Variants in ATIC observed in about 807,000 individuals in gnomAD.
The protein encoded by ATIC is 5-aminoimidazole-4-carboxamide ribonucleotide formyltransferase/IMP cyclohydrolase.
A neutral mutation model predicts 72.5 loss-of-function variants in ATIC; 64 were observed. The observed-to-expected ratio is 0.88, with a 90% CI of 0.72 to 1.09. The LOEUF is 1.09. Among genes scored for constraint, ATIC ranks in the 50% least tolerant of loss-of-function variants. The pLI, the probability that ATIC is intolerant of heterozygous loss-of-function variation, is 0.00. For synonymous variants in ATIC, 281 were observed against 267.1 expected (o/e 1.05, Z -0.51); for missense variants, 787 against 732.4 (o/e 1.07, Z -0.86).
chr2:215,345,103 A>G (rs2106040218), intron 13 of ATIC: 1 of 567,742 alleles, frequency 1.8e-6, no homozygotes, highest in Non-Finnish European at 3.2e-6. Context: ...CTTGCCTTGA[A>G]TAGGTTGGCA....
At chr2:215,365,614 A>G in the ATIC span, 2 of 1,613,826 alleles carry the variant, frequency 1.2e-6, no homozygotes, top group Non-Finnish European at 8.5e-7. Context: ...AGTTCACACC[A>G]TTGTCATGGC....
At chr2:215,356,295 A>C in the ATIC span, among the ~76,000 whole-genome samples, 2 of 152,188 alleles carry the variant, frequency 1.3e-5, no homozygotes, top group Admixed American at 1.3e-4. Flanking sequence ...TACTATGAAA[A>C]ATGATGTCTA....
chr2:215,365,891 C>T, the ATIC span: 1 of 189,380 alleles, frequency 5.3e-6, no homozygotes, highest in Non-Finnish European at 1.1e-5. Context: ...CTGTAACCTC[C>T]ATCTCCTGGG....
rs1483813235 is a variant in ATIC at position 215,319,658 on chromosome 2, A to G, written c.224-7A>G. 1.2e-6 allele frequency: 2 copies of G among 1,603,636 alleles called. No individual in the cohort carries two copies. The highest frequency in any genetic ancestry group is 1.7e-6 in the Non-Finnish European group (2 of 1,170,544). Reference sequence around the variant, plus strand: ...GCTAATGACTTTGTTTAACTTTTTTAAATTAGGAATCCTAGCTCGTAATAT... The same window carrying G: ...GCTAATGACTTTGTTTAACTTTTTTGAATTAGGAATCCTAGCTCGTAATAT... On this transcript the variant is annotated splice_region_variant and splice_polypyrimidine_tract_variant and intron_variant, in intron 3 of 15. Transcript: ENST00000236959.
the ATIC span, chr2:215,365,792 TTTA>T: frequency 5.1e-6 from 2 of 393,044 alleles, no homozygotes; most frequent in East Asian, 4.5e-5. Flanking sequence ...ATTTTATTTA[TTTA>T]TTTACTTTTT....
At chr2:215,313,260 G>C (rs2052674840) in intron 2 of ATIC, among the ~76,000 whole-genome samples, 1 of 152,188 alleles carries the variant, frequency 6.6e-6, no homozygotes, top group Non-Finnish European at 1.5e-5. Flanking sequence ...GAAAACTTCA[G>C]TTACTTTGAC....
chr2:215,341,661 T>G (rs988344085), intron 12 of ATIC, among the ~76,000 whole-genome samples: 4 of 152,210 alleles, frequency 2.6e-5, no homozygotes, highest in Admixed American at 2.0e-4. Context: ...GAATGTTTAT[T>G]AATACTGAAC....
At chr2:215,316,472 G>A (rs2052710367) in intron 2 of ATIC, among the ~76,000 whole-genome samples, 1 of 152,120 alleles carries the variant, frequency 6.6e-6, no homozygotes, top group African/African-American at 2.4e-5. Context: ...CTACTTGGAG[G>A]ATTACTTAAT....
intron 12 of ATIC, among the ~76,000 whole-genome samples, chr2:215,343,152 G>A (rs2177735): frequency 0.59 from 88,908 of 150,796 alleles, 26,293 homozygotes; most frequent in East Asian, 0.72. Flanking sequence ...TTTTGGTATT[G>A]CTACTTTTTT....
intron 12 of ATIC, among the ~76,000 whole-genome samples, chr2:215,344,353 T>C (rs1350163739): frequency 6.6e-6 from 1 of 152,134 alleles, no homozygotes; most frequent in Non-Finnish European, 1.5e-5. Context: ...ATTTGAGTGG[T>C]ATAACTATGT....
the ATIC span, chr2:215,364,585 C>G: frequency 2.0e-6 from 1 of 488,072 alleles, no homozygotes; most frequent in African/African-American, 1.9e-5. Context: ...ATGATTCTAA[C>G]ATCATATAAA....
Position 215,349,757 on chromosome 2 carries a change from T to A in ATIC, c.*102T>A. On this transcript the variant is annotated 3_prime_UTR_variant, in exon 16 of 16. Transcript: ENST00000236959. ...AAAAAAATAAAACAGTATCTCTTAA[T>A]CACTGGATCCATAGTTTTTGGTAGT... 6.3e-7 allele frequency: 1 copy of A among 1,592,500 alleles called. No homozygotes were observed. The highest frequency in any genetic ancestry group is 8.6e-7 in the Non-Finnish European group (1 of 1,161,746).
intron 12 of ATIC, among the ~76,000 whole-genome samples, chr2:215,343,201 C>G (rs13002052): frequency 0.24 from 35,775 of 151,074 alleles, 5,099 homozygotes; most frequent in South Asian, 0.45. Context: ...GTAGCAATCT[C>G]TCACTGATTT....
chr2:215,315,667 C>T (rs988906002), intron 2 of ATIC, among the ~76,000 whole-genome samples: 13 of 152,068 alleles, frequency 8.5e-5, no homozygotes, highest in African/African-American at 2.9e-4. Context: ...GGTCTTGGTT[C>T]TGGCTGGGCG....
the ATIC span, chr2:215,365,806 A>G: frequency 4.0e-6 from 1 of 247,674 alleles, no homozygotes; most frequent in Non-Finnish European, 7.2e-6. Flanking sequence ...TTTACTTTTT[A>G]TTTTTTTTTT....
chr2:215,344,228 C>G (rs2053048905), intron 12 of ATIC, among the ~76,000 whole-genome samples: 1 of 152,154 alleles, frequency 6.6e-6, no homozygotes, highest in Non-Finnish European at 1.5e-5. Context: ...ACAATTGCTA[C>G]AAAATAACAT....
the ATIC span, chr2:215,367,924 G>A: frequency 1.2e-6 from 2 of 1,614,080 alleles, no homozygotes; most frequent in South Asian, 1.1e-5. Flanking sequence ...ACAGTTTAAA[G>A]CCTGATTCAG....
intron 7 of ATIC, 52 bp downstream of exon 7, chr2:215,327,030 T>C: frequency 6.2e-7 from 1 of 1,609,636 alleles, no homozygotes; most frequent in South Asian, 1.1e-5. Context: ...AGAGTGTGTG[T>C]TTCTCTGTAT....
rs769695566 is a variant in ATIC at position 215,326,806 on chromosome 2, CTT to C, written c.532-15_532-14del. On this transcript the variant is annotated splice_polypyrimidine_tract_variant and intron_variant, in intron 6 of 15. Transcript: ENST00000236959. ...AAAGTGCTGCTCGTGTCTCACAAAA[CTT>C]ACGCTTTTTGTAGGCATTCACTCAT... 4 of 1,613,812 alleles carry C rather than the reference CTT, an allele frequency of 2.5e-6. No homozygotes were observed. In the South Asian group the frequency reaches 4.4e-5, roughly 18 times the overall value.
Sources: gnomAD v4.1 joint callset for allele counts (sites outside exome capture counted in the v4.1 genomes callset) on GRCh38, gnomAD v4.1.1 for gene constraint, MANE v1.5 for transcripts, NCBI Gene and HGNC (gene_info 2026-07-23, HGNC 2026-07-21) for gene names.